The following GFRA1 variants were observed in gnomAD, a reference collection of about 807,000 sequenced individuals.
The protein encoded by GFRA1 is GDNF family receptor alpha 1.
A neutral mutation model predicts 51.6 loss-of-function variants in GFRA1; 16 were observed. The observed-to-expected ratio is 0.31, with a 90% CI of 0.21 to 0.47. GFRA1 has a LOEUF of 0.47. Among genes scored for constraint, GFRA1 ranks in the 20% least tolerant of loss-of-function variants. GFRA1 has a pLI of 1.00. For synonymous variants in GFRA1, 270 were observed against 241.3 expected, an observed-to-expected ratio of 1.12 and a Z score of -1.10; for missense variants, 530 against 594.3, an observed-to-expected ratio of 0.89 and a Z score of 1.13.
At chr10:116,238,906 C>T (rs985233830) in intron 4 of GFRA1, among the ~76,000 whole-genome samples, 1 of 152,256 alleles carries the variant, frequency 6.6e-6, no homozygotes. Flanking sequence ...TGCAATTTCC[C>T]TAAAGTGAGA....
chr10:116,196,341 T>C (rs908257906), intron 5 of GFRA1, among the ~76,000 whole-genome samples: 1 of 150,248 alleles, frequency 6.7e-6, no homozygotes, highest in Non-Finnish European at 1.5e-5. Flanking sequence ...TACAAATAAT[T>C]TGCCGGACGT....
intron 9 of GFRA1, among the ~76,000 whole-genome samples, chr10:116,072,125 T>C (rs1030425176): frequency 1.3e-5 from 2 of 152,192 alleles, no homozygotes; most frequent in African/African-American, 2.4e-5. Flanking sequence ...TTAGTTTGCA[T>C]TGAAGCAATT....
At chr10:116,220,737 G>A (rs959438724) in intron 4 of GFRA1, among the ~76,000 whole-genome samples, 6 of 152,164 alleles carry the variant, frequency 3.9e-5, no homozygotes, top group African/African-American at 1.4e-4. Context: ...ACAGGTTCTG[G>A]CCTGGCTCTG....
intron 9 of GFRA1, among the ~76,000 whole-genome samples, chr10:116,082,806 A>T (rs1955908396): frequency 6.6e-6 from 1 of 152,124 alleles, no homozygotes; most frequent in African/African-American, 2.4e-5. Context: ...TTAAGAAGAC[A>T]CAATACAATC....
chr10:116,067,124 TAAG>T (rs1283832664), intron 9 of GFRA1, among the ~76,000 whole-genome samples: 1 of 152,160 alleles, frequency 6.6e-6, no homozygotes, highest in East Asian at 1.9e-4. Flanking sequence ...ATGTTATGTA[TAAG>T]AAGATCAGAG....
At position 116,060,455 on chromosome 10, in the gene GFRA1, T is replaced by C. The variant is rs957729978; in HGVS notation, c.*3943A>G. The C allele has an allele frequency of 3.3e-5, 5 of 152,202 alleles. No individual in the cohort carries two copies. Among genetic ancestry groups the C allele is most frequent in the African/African-American group, 1.2e-4 (5 of 41,458 alleles). The allele number at this position is 152,202 out of a possible 1,614,324, so 9.4% of individuals were successfully genotyped here. A position where few individuals can be genotyped will look rare whatever the true frequency, so the allele number is the denominator to read the frequency against. ...GTTAGAAGGTCCCTGTTCTGATCAG[T>C]AAGGAACATCAGCGGACTCTCAGAT... On this transcript the variant is annotated 3_prime_UTR_variant, in exon 11 of 11. Coordinates refer to ENST00000355422, the MANE Select transcript of GFRA1 (RefSeq NM_005264.8).
chr10:116,094,119 A>G (rs1265792956), intron 7 of GFRA1, among the ~76,000 whole-genome samples: 2 of 152,190 alleles, frequency 1.3e-5, no homozygotes, highest in African/African-American at 2.4e-5. Flanking sequence ...AGTAGGAAAG[A>G]ATTAACTTAG....
chr10:116,211,753 T>C (rs925320145), intron 4 of GFRA1, 108 bp from the exon 5 acceptor site: 36 of 900,084 alleles, frequency 4.0e-5, no homozygotes, highest in Non-Finnish European at 6.0e-5. Context: ...TATGCTGACT[T>C]TGCTAAGCAC....
At chr10:116,267,940 AACACACACACACAC>A (rs58079628) in intron 4 of GFRA1, among the ~76,000 whole-genome samples, 16 of 146,390 alleles carry the variant, frequency 1.1e-4, no homozygotes, top group African/African-American at 5.1e-5. Context: ...CTGACAGACT[AACACACACACACAC>A]ACACACACAC....
intron 9 of GFRA1, among the ~76,000 whole-genome samples, chr10:116,079,327 C>T (rs1436132119): frequency 6.6e-6 from 1 of 152,104 alleles, no homozygotes; most frequent in East Asian, 1.9e-4. Context: ...TGGACTAAGA[C>T]AAGTAGTAAC....
chr10:116,220,915 A>G (rs554234591), intron 4 of GFRA1, among the ~76,000 whole-genome samples: 2 of 152,044 alleles, frequency 1.3e-5, no homozygotes, highest in South Asian at 2.1e-4. Flanking sequence ...TCAACTGTAC[A>G]TCTCCTTGGT....
intron 9 of GFRA1, among the ~76,000 whole-genome samples, chr10:116,069,058 C>T (rs910835876): frequency 5.3e-5 from 8 of 152,258 alleles, no homozygotes; most frequent in Middle Eastern, 3.4e-3. Flanking sequence ...GTTCAGGGGC[C>T]CTTCAGTGAG....
intron 9 of GFRA1, among the ~76,000 whole-genome samples, chr10:116,079,644 C>T (rs1469451888): frequency 6.6e-6 from 1 of 152,080 alleles, no homozygotes; most frequent in Non-Finnish European, 1.5e-5. Flanking sequence ...CGGTAGAGGC[C>T]AGGGACGCTG....
chr10:116,196,523 TTA>T (rs1164370102), intron 5 of GFRA1, among the ~76,000 whole-genome samples: 3 of 134,040 alleles, frequency 2.2e-5, no homozygotes, highest in Non-Finnish European at 3.1e-5. Flanking sequence ...ATTTATAAAT[TTA>T]TATATTTATA....
At chr10:116,206,012 T>C (rs1964729774) in intron 5 of GFRA1, among the ~76,000 whole-genome samples, 1 of 152,034 alleles carries the variant, frequency 6.6e-6, no homozygotes, top group Non-Finnish European at 1.5e-5. Flanking sequence ...TTGTTCTGTT[T>C]GTGCCAGAAA....
chr10:116,136,255 A>G (rs951224309), intron 5 of GFRA1, among the ~76,000 whole-genome samples: 1 of 152,222 alleles, frequency 6.6e-6, no homozygotes, highest in African/African-American at 2.4e-5. Context: ...TTAGCAGTAA[A>G]ATTAATGAGC....
intron 5 of GFRA1, among the ~76,000 whole-genome samples, chr10:116,205,594 A>AG (rs1555167735): frequency 9.1e-5 from 3 of 32,844 alleles, no homozygotes; most frequent in Non-Finnish European, 1.4e-4. Flanking sequence ...GGAAAAAAAA[A>AG]AGATATATAT....
At chr10:116,150,027 A>C (rs1329793188) in intron 5 of GFRA1, among the ~76,000 whole-genome samples, 1 of 152,132 alleles carries the variant, frequency 6.6e-6, no homozygotes, top group South Asian at 2.1e-4. Flanking sequence ...CATAGTACCA[A>C]CTCACCACTC....
intron 4 of GFRA1, among the ~76,000 whole-genome samples, chr10:116,215,829 C>T (rs1565656678): frequency 6.6e-6 from 1 of 152,154 alleles, no homozygotes; most frequent in Non-Finnish European, 1.5e-5. Flanking sequence ...AACCCCAACC[C>T]CAATCATTCA....
Sources: gnomAD v4.1 joint callset for allele counts (sites outside exome capture counted in the v4.1 genomes callset) on GRCh38, gnomAD v4.1.1 for gene constraint, MANE v1.5 for transcripts, NCBI Gene and HGNC (gene_info 2026-07-23, HGNC 2026-07-21) for gene names.